STAG1: variants seen among roughly 807,000 people sequenced by gnomAD.
STAG1 encodes cohesin subunit SA-1.
Under a neutral mutation model 170.9 loss-of-function variants are expected in STAG1, and 26 were observed. That is an observed-to-expected ratio of 0.15 (90% confidence interval 0.11 to 0.21). The LOEUF (loss-of-function observed/expected upper bound fraction) is 0.21, where lower values mean the gene tolerates loss of function less well. Among genes scored for constraint, STAG1 ranks in the 10% least tolerant of loss-of-function variants. STAG1 has a pLI of 1.00. For missense variants in STAG1, 964 were observed against 1,509.5 expected (o/e 0.64, Z 5.99); for synonymous variants, 514 against 497.7 (o/e 1.03, Z -0.44).
chr3:136,422,789 G>T lies in STAG1; in HGVS notation c.1812C>A (p.Tyr604Ter). ...QIPQYFDLEI[Y>*]STGRMEKHLD... Reference sequence around the variant, plus strand: ...TTACCTTTTCCATTCTACCTGTGCTGTAGATTTCTAAATCAAAATACTGTG... The same window carrying T: ...TTACCTTTTCCATTCTACCTGTGCTTTAGATTTCTAAATCAAAATACTGTG... Residue 604 changes from tyrosine to a stop codon, truncating the protein, a stop_gained, in exon 18 of 34, where the codon TAC (tyrosine) becomes TAA (stop). Transcript: ENST00000383202. LOFTEE classifies it high-confidence loss of function. 6.2e-7 allele frequency: 1 copy of T among 1,607,224 alleles called. No homozygotes were observed. Among genetic ancestry groups the T allele is most frequent in the Non-Finnish European group, 8.5e-7 (1 of 1,178,138 alleles).
At chr3:136,396,511 G>A (rs1262845933) in intron 22 of STAG1, among the ~76,000 whole-genome samples, 4 of 126,960 alleles carry the variant, frequency 3.2e-5, no homozygotes, top group South Asian at 2.6e-4. Flanking sequence ...GTGAGCCACC[G>A]CGCCTGGCCT....
intron 4 of STAG1, among the ~76,000 whole-genome samples, chr3:136,587,245 A>G (rs1418273568): frequency 6.6e-6 from 1 of 152,180 alleles, no homozygotes; most frequent in Non-Finnish European, 1.5e-5. Context: ...ATGAAATGAA[A>G]AAAGCAATTT....
intron 28 of STAG1, among the ~76,000 whole-genome samples, chr3:136,355,211 G>A (rs1207367576): frequency 6.6e-6 from 1 of 151,714 alleles, no homozygotes; most frequent in Non-Finnish European, 1.5e-5. Flanking sequence ...AATTAGCCAG[G>A]TGTGGTGGCA....
At chr3:136,708,109 A>G (rs1943276357) in intron 1 of STAG1, among the ~76,000 whole-genome samples, 1 of 152,246 alleles carries the variant, frequency 6.6e-6, no homozygotes, top group African/African-American at 2.4e-5. Context: ...AAAGATAAAC[A>G]GAATTACCAC....
At chr3:136,688,796 A>G (rs1014283345) in intron 1 of STAG1, among the ~76,000 whole-genome samples, 8 of 152,194 alleles carry the variant, frequency 5.3e-5, no homozygotes, top group Non-Finnish European at 7.3e-5. Flanking sequence ...TAAATGTACA[A>G]AACAGCCTGT....
intron 14 of STAG1, among the ~76,000 whole-genome samples, chr3:136,450,454 C>T (rs990041223): frequency 5.3e-5 from 8 of 152,200 alleles, no homozygotes; most frequent in African/African-American, 1.9e-4. Context: ...TGGTAACTCT[C>T]TTAAAAAATG....
chr3:136,695,390 T>TTGCACCAC (rs1942853988), intron 1 of STAG1, among the ~76,000 whole-genome samples: 1 of 151,340 alleles, frequency 6.6e-6, no homozygotes, highest in South Asian at 2.1e-4. Flanking sequence ...TGCGCCGAGA[T>TTGCACCAC]TGCACCACTG....
chr3:136,497,414 A>G (rs1233085280), intron 9 of STAG1, among the ~76,000 whole-genome samples: 1 of 152,238 alleles, frequency 6.6e-6, no homozygotes, highest in Non-Finnish European at 1.5e-5. Context: ...GTTCATGTTA[A>G]CATCTGAACA....
At chr3:136,620,972 C>CA (rs1451506118) in intron 3 of STAG1, among the ~76,000 whole-genome samples, 3 of 151,966 alleles carry the variant, frequency 2.0e-5, no homozygotes, top group South Asian at 2.1e-4. Context: ...CTAAAAAATA[C>CA]AAAAAATTAG....
chr3:136,444,789 T>C (rs566259174), intron 14 of STAG1, among the ~76,000 whole-genome samples: 6 of 152,352 alleles, frequency 3.9e-5, no homozygotes, highest in East Asian at 1.9e-4. Context: ...TACTGTTATC[T>C]TGGCACATTC....
chr3:136,344,911 G>A (rs999212178), intron 29 of STAG1, among the ~76,000 whole-genome samples: 33 of 151,944 alleles, frequency 2.2e-4, no homozygotes, highest in South Asian at 4.1e-4. Flanking sequence ...ACCACGCCCA[G>A]GCTTCTCTTT....
At position 136,417,971 on chromosome 3, in the gene STAG1, C is replaced by T. The variant is rs867396538; in HGVS notation, c.2110G>A (p.Ala704Thr). 1 of 1,611,122 alleles carries T rather than the reference C, an allele frequency of 6.2e-7. No homozygotes were observed. Among genetic ancestry groups the T allele is most frequent in the South Asian group, 1.1e-5 (1 of 90,876 alleles). The part of the protein sequence containing the change: ...TLKRLTSFHN[A>T]HDLTKWDLFG... ...AGATCCCATTTTGTGAGATCATGTG[C>T]ACTGAAATAAACAAAAATGCATCTG... Residue 704 changes from alanine (A) to threonine (T), a missense_variant and splice_region_variant, in exon 21 of 34, where the codon GCA becomes ACA. Ala to Thr is a moderately conservative substitution (Grantham distance 58, BLOSUM62 0). Around this residue, in one of 11 missense-constraint regions of STAG1, gnomAD observed 232 missense variants for 313.0 expected, o/e 0.74. Coordinates refer to ENST00000383202, the MANE Select transcript of STAG1 (RefSeq NM_005862.3).
chr3:136,612,138 C>A (rs80009405), intron 3 of STAG1, among the ~76,000 whole-genome samples: 10,060 of 152,176 alleles, frequency 0.066, 1,099 homozygotes, highest in African/African-American at 0.23. Flanking sequence ...TGAGCCACTG[C>A]GCCTGGCCTA....
At chr3:136,591,469 CTCAGGCCGGGGAGGA>C (rs1938177311) in intron 4 of STAG1, 1 of 319,520 alleles carries the variant, frequency 3.1e-6, no homozygotes, top group Non-Finnish European at 6.1e-6. Context: ...ACTCGAGAGG[CTCAGGCCGGGGAGGA>C]TCACTTGGGC....
At chr3:136,456,788 A>C (rs1311777778) in intron 13 of STAG1, among the ~76,000 whole-genome samples, 2 of 152,234 alleles carry the variant, frequency 1.3e-5, no homozygotes, top group African/African-American at 4.8e-5. Flanking sequence ...TATTCAATGG[A>C]GCTCCTATAT....
intron 26 of STAG1, among the ~76,000 whole-genome samples, chr3:136,362,656 G>A (rs931067942): frequency 6.7e-6 from 1 of 149,710 alleles, no homozygotes; most frequent in Non-Finnish European, 1.5e-5. Flanking sequence ...AAATTTATAC[G>A]GATCATCAAT....
chr3:136,366,098 G>C (rs1237847422), intron 25 of STAG1, among the ~76,000 whole-genome samples: 2 of 151,982 alleles, frequency 1.3e-5, no homozygotes, highest in East Asian at 3.8e-4. Context: ...CTGAAGCTTT[G>C]TGGTCTAGTG....
intron 23 of STAG1, 39 bp from the exon 24 acceptor site, chr3:136,369,321 A>C (rs754150991): frequency 6.7e-7 from 1 of 1,487,942 alleles, no homozygotes; most frequent in South Asian, 1.3e-5. Flanking sequence ...AATATTACAC[A>C]AATATAACTA....
chr3:136,468,493 T>G (rs2089533341), intron 12 of STAG1, among the ~76,000 whole-genome samples: 1 of 152,004 alleles, frequency 6.6e-6, no homozygotes, highest in Non-Finnish European at 1.5e-5. Flanking sequence ...AATAACAGGC[T>G]CTGAAATTGA....
Sources: gnomAD v4.1 joint callset for allele counts (sites outside exome capture counted in the v4.1 genomes callset) on GRCh38, gnomAD v4.1.1 for gene constraint, gnomAD v4.1.1 regional missense constraint, MANE v1.5 for transcripts, NCBI Gene and HGNC (gene_info 2026-07-23, HGNC 2026-07-21) for gene names.